Variants in NALCN observed in about 807,000 individuals in gnomAD.
The protein encoded by NALCN is sodium leak channel, non-selective.
NALCN carries 111 observed loss-of-function variants against 225.3 expected under a neutral mutation model. The observed-to-expected ratio is 0.49, with a 90% CI of 0.42 to 0.58. The LOEUF is 0.58. NALCN is among the 20% of genes least tolerant of loss of function. The pLI is 0.00. For missense variants in NALCN, 1,378 were observed against 2,202.4 expected (o/e 0.63, Z 7.49); for synonymous variants, 764 against 769.0 (o/e 0.99, Z 0.11).
chr13:101,059,997 A>C (rs932320104), intron 41 of NALCN, 30 bp from the exon 42 acceptor site: 3 of 1,611,058 alleles, frequency 1.9e-6, no homozygotes, highest in Non-Finnish European at 2.5e-6. Context: ...TGTTCAGTAA[A>C]ATAAGCCCAG....
At chr13:101,380,902 C>T (rs918474583) in intron 3 of NALCN, among the ~76,000 whole-genome samples, 1 of 150,226 alleles carries the variant, frequency 6.7e-6, no homozygotes, top group African/African-American at 2.5e-5. Context: ...ACCACCATCA[C>T]CACCACCAAC....
chr13:101,143,365 T>A, intron 16 of NALCN, 144 bp from the exon 17 acceptor site: 1 of 751,464 alleles, frequency 1.3e-6, no homozygotes, highest in East Asian at 3.0e-5. Flanking sequence ...AAATATTTCA[T>A]TAGCAACAGC....
chr13:101,320,139 T>C (rs537553794), intron 7 of NALCN, among the ~76,000 whole-genome samples: 1 of 152,322 alleles, frequency 6.6e-6, no homozygotes, highest in Non-Finnish European at 1.5e-5. Flanking sequence ...TTATTTAGTG[T>C]ACTAAAATCT....
intron 10 of NALCN, 36 bp from the exon 11 acceptor site, chr13:101,258,610 A>T (rs780313035): frequency 6.2e-7 from 1 of 1,613,414 alleles, no homozygotes; most frequent in Non-Finnish European, 8.5e-7. Flanking sequence ...TTAACAAAGA[A>T]ATAAACCTCA....
At position 101,252,120 on chromosome 13, in the gene NALCN, A is replaced by G. The variant is rs553456726; in HGVS notation, c.1266+6323T>C. 3.3e-5 allele frequency among the ~76,000 whole-genome samples: 5 copies of G among 152,294 alleles called. No individual in the cohort carries two copies. The South Asian group carries it at 1.0e-3, about 32-fold the overall frequency. ...TACACCTCACTCAAGATTACACCAG[A>G]TAATCTCACAGAACTATAGCTTCTA... On this transcript the variant is annotated intron_variant, in intron 11 of 43. Coordinates refer to ENST00000251127, the MANE Select transcript of NALCN (RefSeq NM_052867.4).
chr13:101,066,319 A>AAG, intron 39 of NALCN, among the ~76,000 whole-genome samples: 1 of 152,006 alleles, frequency 6.6e-6, no homozygotes, highest in South Asian at 2.1e-4. Flanking sequence ...AAAAAAAAAA[A>AAG]AAAAAGAGCT....
intron 15 of NALCN, among the ~76,000 whole-genome samples, chr13:101,171,522 G>T (rs1374367829): frequency 1.3e-5 from 2 of 152,060 alleles, no homozygotes; most frequent in African/African-American, 4.8e-5. Flanking sequence ...TTCAATATGG[G>T]GGTCATGTAA....
At chr13:101,107,823 A>T (rs1236807167) in intron 20 of NALCN, 34 bp from the exon 21 acceptor site, 7 of 1,576,776 alleles carry the variant, frequency 4.4e-6, no homozygotes, top group Non-Finnish European at 5.2e-6. Flanking sequence ...GTGTTAAAAC[A>T]GGAGGGTTTT....
At chr13:101,237,427 T>C (rs2041602507) in intron 12 of NALCN, among the ~76,000 whole-genome samples, 1 of 152,048 alleles carries the variant, frequency 6.6e-6, no homozygotes, top group Non-Finnish European at 1.5e-5. Context: ...TCTTATGTAG[T>C]TTAAAATTTG....
rs769629184 is a variant in NALCN at position 101,291,995 on chromosome 13, T to A, written c.1042A>T (p.Thr348Ser). Residue 348 changes from threonine to serine, a missense_variant, in exon 9 of 44, where the codon ACC (threonine) becomes TCC (serine). Transcript: ENST00000251127. Reference protein sequence around the residue: ...SRSSTTSTATTQMFHEDAAGG... With the variant: ...SRSSTTSTATSQMFHEDAAGG... ...TCCTCTTGCTGATAGCGTACCTGGG[T>A]GGTGGCTGTTGAGGTAGTGCTGCTT... 2 of 1,613,942 alleles carry A rather than the reference T, an allele frequency of 1.2e-6. No individual in the cohort carries two copies. The highest frequency in any genetic ancestry group is 3.3e-5 in the Admixed American group (2 of 59,942).
intron 13 of NALCN, among the ~76,000 whole-genome samples, chr13:101,213,771 G>C (rs141925637): frequency 3.3e-5 from 5 of 152,110 alleles, no homozygotes; most frequent in African/African-American, 1.2e-4. Flanking sequence ...TTAGAATGGC[G>C]ATCATTAAAA....
chr13:101,260,020 C>T (rs1012698407), intron 10 of NALCN, among the ~76,000 whole-genome samples: 7 of 151,748 alleles, frequency 4.6e-5, no homozygotes, highest in Admixed American at 6.6e-5. Context: ...CTCCCCCCGT[C>T]CCCCCAGTAC....
intron 43 of NALCN, among the ~76,000 whole-genome samples, chr13:101,056,447 A>G (rs892176130): frequency 7.9e-5 from 12 of 151,696 alleles, no homozygotes; most frequent in Admixed American, 2.6e-4. Context: ...TTTTTAGTAG[A>G]GACAGGGTTT....
intron 37 of NALCN, among the ~76,000 whole-genome samples, chr13:101,069,336 CTCATGT>C (rs2032671705): frequency 1.3e-5 from 2 of 152,216 alleles, no homozygotes; most frequent in South Asian, 4.1e-4. Flanking sequence ...GCACATGCAA[CTCATGT>C]TTATACCATA....
At chr13:101,142,240 C>T (rs778614792) in intron 17 of NALCN, among the ~76,000 whole-genome samples, 3 of 142,344 alleles carry the variant, frequency 2.1e-5, no homozygotes, top group Non-Finnish European at 4.5e-5. Context: ...CTCCTAGGTT[C>T]GAGTGATTCT....
At position 101,096,343 on chromosome 13, in the gene NALCN, G is replaced by A. The variant is rs76670273; in HGVS notation, c.3163-663C>T. On this transcript the variant is annotated intron_variant, in intron 27 of 43. Transcript: ENST00000251127. ...CCAGATGTCCATTTTTGAACAAACA[G>A]ATAAACAAAATGTGGTCCAACCATA... Among the ~76,000 whole-genome samples the A allele has an allele frequency of 4.1e-3, 630 of 152,224 alleles. 7 individuals are homozygous for A. Among genetic ancestry groups the A allele is most frequent in the African/African-American group, 0.015 (608 of 41,520 alleles).
intron 2 of NALCN, among the ~76,000 whole-genome samples, chr13:101,396,961 A>G (rs1846268572): frequency 6.6e-6 from 1 of 150,988 alleles, no homozygotes; most frequent in African/African-American, 2.4e-5. Flanking sequence ...GTATGAATGA[A>G]GGCCTACTAT....
intron 10 of NALCN, among the ~76,000 whole-genome samples, chr13:101,264,646 A>C (rs1349399544): frequency 6.6e-6 from 1 of 152,148 alleles, no homozygotes; most frequent in African/African-American, 2.4e-5. Flanking sequence ...GTTGTAGGGG[A>C]TACTCCTTAA....
chr13:101,103,637 C>T (rs1033074697), intron 25 of NALCN, among the ~76,000 whole-genome samples: 15 of 152,146 alleles, frequency 9.9e-5, no homozygotes, highest in South Asian at 2.1e-4. Context: ...CCACTGATGT[C>T]GATCTGGCTG....
Sources: gnomAD v4.1 joint callset for allele counts (sites outside exome capture counted in the v4.1 genomes callset) on GRCh38, gnomAD v4.1.1 for gene constraint, MANE v1.5 for transcripts, NCBI Gene and HGNC (gene_info 2026-07-23, HGNC 2026-07-21) for gene names.